SLC20A2: variants seen among roughly 807,000 people sequenced by gnomAD.
SLC20A2 encodes the protein solute carrier family 20 member 2.
In SLC20A2, 30 loss-of-function variants were observed where a neutral mutation model predicts 61.0. The observed-to-expected ratio is 0.49, with a 90% CI of 0.37 to 0.67. The LOEUF (loss-of-function observed/expected upper bound fraction) is 0.67. SLC20A2 is among the 30% of genes least tolerant of loss of function. The pLI, the probability that SLC20A2 is intolerant of heterozygous loss-of-function variation, is 0.00. For synonymous variants in SLC20A2, 351 were observed against 353.3 expected (o/e 0.99, Z 0.07); for missense variants, 626 against 866.4 (o/e 0.72, Z 3.48).
intron 4 of SLC20A2, among the ~76,000 whole-genome samples, chr8:42,462,152 G>A (rs1806758991): frequency 6.6e-6 from 1 of 152,102 alleles, no homozygotes; most frequent in Non-Finnish European, 1.5e-5. Flanking sequence ...AGGTGAGCAT[G>A]GATTCCAGAG....
intron 1 of SLC20A2, chr8:42,541,710 G>A (rs1466864844): frequency 6.7e-6 from 1 of 149,298 alleles, no homozygotes; most frequent in Non-Finnish European, 1.5e-5. Flanking sequence ...GGCAGCGTGA[G>A]TGGCCCCGCG....
chr8:42,464,090 A>ATTTTT (rs1563488008), intron 3 of SLC20A2, among the ~76,000 whole-genome samples: 31 of 20,018 alleles, frequency 1.5e-3, no homozygotes, highest in African/African-American at 3.1e-3. Flanking sequence ...AGGCTGGATG[A>ATTTTT]TCTTTTTTTT....
At chr8:42,440,894 G>A (rs555605228) in intron 6 of SLC20A2, among the ~76,000 whole-genome samples, 32 of 152,284 alleles carry the variant, frequency 2.1e-4, no homozygotes, top group South Asian at 1.9e-3. Context: ...TCCGCCTCAC[G>A]CGTTCAAGCG....
At position 42,444,727 on chromosome 8, in the gene SLC20A2, G is replaced by A. The variant is rs780088669; in HGVS notation, c.649C>T (p.Leu217Phe). 1.2e-6 allele frequency: 2 copies of A among 1,613,934 alleles called. No homozygotes were observed. Among genetic ancestry groups the A allele is most frequent in the East Asian group, 2.2e-5 (1 of 44,874 alleles). Residue 217 changes from leucine to phenylalanine, a missense_variant, in exon 6 of 11, where the codon CTC becomes TTC. By Grantham distance (22) the Leu-to-Phe change is conservative. Around this residue, in one of 3 missense-constraint regions of SLC20A2, gnomAD observed 361 missense variants for 422.3 expected, o/e 0.85. Transcript: ENST00000520262. ...GLVLPMWAIALISFGVALLFA... is the reference protein window; with the variant it reads ...GLVLPMWAIAFISFGVALLFA... ...AGGAGGGCGACACCAAAGGAAATGA[G>A]GGCTATGGCCCACATGGGGAGAACA... is the stretch of plus-strand genomic sequence containing the variant.
rs190717111 is a variant in SLC20A2, at chr8:42,417,394, T to C, written c.*409A>G. ...AAAAATCATTTTCCAATCTACACTT[T>C]CCTTTTAGAAGGCTTAACATTTGCC... On this transcript the variant is annotated 3_prime_UTR_variant, in exon 11 of 11. Coordinates refer to ENST00000520262, the MANE Select transcript of SLC20A2 (RefSeq NM_001257180.2). The C allele has an allele frequency of 4.8e-4, 76 of 158,390 alleles. 1 individual carries two copies. The highest frequency in any genetic ancestry group is 4.8e-4 in the Non-Finnish European group (34 of 70,944). The allele number at this position is 158,390 out of a possible 1,614,324, so 9.8% of individuals were successfully genotyped here.
At chr8:42,519,874 A>G (rs1358504563) in intron 1 of SLC20A2, among the ~76,000 whole-genome samples, 35 of 152,180 alleles carry the variant, frequency 2.3e-4, no homozygotes, top group Non-Finnish European at 1.8e-4. Context: ...GAAGACAATG[A>G]TTTTATAAAA....
At chr8:42,422,908 G>A (rs987854048) in intron 10 of SLC20A2, among the ~76,000 whole-genome samples, 1 of 151,882 alleles carries the variant, frequency 6.6e-6, no homozygotes, top group African/African-American at 2.4e-5. Flanking sequence ...CTGACATTTT[G>A]TTAGTAGCCA....
chr8:42,417,740 CAT>C lies in SLC20A2; in HGVS notation c.*61_*62del, dbSNP rs926051097. 7.5e-5 allele frequency: 117 copies of C among 1,566,710 alleles called. No homozygotes were observed. The highest frequency in any genetic ancestry group is 3.3e-4 in the Middle Eastern group (2 of 5,974). ...GATGTGTATGTGCGGCACGAGCACA[CAT>C]GTCTCCCACACGCCAACACCAGACC... is the stretch of plus-strand genomic sequence containing the variant. On this transcript the variant is annotated 3_prime_UTR_variant, in exon 11 of 11. Coordinates refer to ENST00000520262, the MANE Select transcript of SLC20A2 (RefSeq NM_001257180.2).
chr8:42,457,065 A>C (rs1461536821), intron 5 of SLC20A2, among the ~76,000 whole-genome samples: 1 of 151,910 alleles, frequency 6.6e-6, no homozygotes, highest in Non-Finnish European at 1.5e-5. Flanking sequence ...CTGGGATTAC[A>C]GGTGCCCGCC....
intron 6 of SLC20A2, among the ~76,000 whole-genome samples, chr8:42,443,716 T>C (rs1804980031): frequency 6.6e-6 from 1 of 152,044 alleles, no homozygotes; most frequent in Non-Finnish European, 1.5e-5. Flanking sequence ...AACAAAGACA[T>C]TTCATGTCCC....
intron 1 of SLC20A2, among the ~76,000 whole-genome samples, chr8:42,518,447 G>C (rs1811452592): frequency 6.6e-6 from 1 of 152,082 alleles, no homozygotes; most frequent in African/African-American, 2.4e-5. Flanking sequence ...ATATTGAGGA[G>C]GAAAATCCGG....
chr8:42,499,134 G>A (rs1274454975), intron 1 of SLC20A2, among the ~76,000 whole-genome samples: 1 of 152,158 alleles, frequency 6.6e-6, no homozygotes, highest in Non-Finnish European at 1.5e-5. Flanking sequence ...GGTCACCTGC[G>A]GCGTGGGAAC....
Position 42,463,701 on chromosome 8 carries a change from C to T in SLC20A2, c.431-611G>A, listed in dbSNP as rs1387491110. ...GGTTTGGGCATTGGTATTTTTCAAT[C>T]GCTTCCCCGGGTCATTCTAAAGTAC... On this transcript the variant is annotated intron_variant, in intron 3 of 10. Coordinates refer to ENST00000520262, the MANE Select transcript of SLC20A2 (RefSeq NM_001257180.2). Among the ~76,000 whole-genome samples the T allele has an allele frequency of 3.3e-5, 5 of 152,206 alleles. No homozygotes were observed. The East Asian group carries it at 7.7e-4, about 23-fold the overall frequency.
At chr8:42,433,773 G>A (rs1056545990) in intron 8 of SLC20A2, among the ~76,000 whole-genome samples, 4 of 152,320 alleles carry the variant, frequency 2.6e-5, no homozygotes, top group Non-Finnish European at 4.4e-5. Context: ...GGACATCTGG[G>A]TTGTTCTCCC....
In SLC20A2 at chr8:42,478,210, TTC is replaced by T. The variant is rs1332444685; in HGVS notation, c.-264-5558_-264-5557del. Among the ~76,000 whole-genome samples, 127 of 133,042 alleles carry T rather than the reference TTC, an allele frequency of 9.5e-4. No individual in the cohort carries two copies. The South Asian group carries it at 0.012, about 12-fold the overall frequency. The allele number at this position is 133,042 out of a possible 152,430, so 87.3% of individuals were successfully genotyped here. A position where few individuals can be genotyped will look rare whatever the true frequency, so the allele number is the denominator to read the frequency against. On this transcript the variant is annotated intron_variant, in intron 1 of 10. Coordinates refer to ENST00000520262, the MANE Select transcript of SLC20A2 (RefSeq NM_001257180.2). Reference sequence around the variant, plus strand: ...ATTGGCAATTTCTTTTCTTTTCCTTTTCTTTTTTTTTTTTTTTTTGAGATGTA... The same window carrying T: ...ATTGGCAATTTCTTTTCTTTTCCTTTTTTTTTTTTTTTTTTTTGAGATGTA...
At chr8:42,440,350 T>C (rs1804679889) in intron 6 of SLC20A2, among the ~76,000 whole-genome samples, 2 of 152,144 alleles carry the variant, frequency 1.3e-5, no homozygotes, top group South Asian at 2.1e-4. Flanking sequence ...TTCTGAAAAA[T>C]TGCCTTTTTC....
In SLC20A2 at chr8:42,437,857, G is replaced by A. The variant is rs559628836; in HGVS notation, c.935-280C>T. On this transcript the variant is annotated intron_variant, in intron 7 of 10. Coordinates refer to ENST00000520262, the MANE Select transcript of SLC20A2 (RefSeq NM_001257180.2). The surrounding 1 kb of genome is among the most constrained non-coding windows in gnomAD (Gnocchi z 6.4). ...TCTCAAGCTCCTAACCTCATGATCC[G>A]CCCACCTTGGCCTCCTAAAGTGCTC... Among the ~76,000 whole-genome samples, 9 of 151,030 alleles carry A rather than the reference G, an allele frequency of 6.0e-5. No homozygotes were observed. Among genetic ancestry groups the A allele is most frequent in the African/African-American group, 2.2e-4 (9 of 41,252 alleles).
chr8:42,452,764 C>A (rs1390577121), intron 5 of SLC20A2, among the ~76,000 whole-genome samples: 1 of 152,020 alleles, frequency 6.6e-6, no homozygotes, highest in East Asian at 1.9e-4. Flanking sequence ...GAGGCAGGGG[C>A]AGGCATGTCT....
intron 1 of SLC20A2, among the ~76,000 whole-genome samples, chr8:42,478,083 A>C (rs1034616591): frequency 6.6e-6 from 1 of 151,722 alleles, no homozygotes; most frequent in African/African-American, 2.4e-5. Flanking sequence ...ACACGGTTTC[A>C]CTATGTTGGC....
Sources: allele counts gnomAD v4.1 joint callset (sites outside exome capture counted in the v4.1 genomes callset), GRCh38; gene constraint gnomAD v4.1.1; regional missense constraint gnomAD v4.1.1; non-coding constraint Gnocchi (gnomAD v3.1); transcripts MANE v1.5; gene names NCBI Gene and HGNC (gene_info 2026-07-23, HGNC 2026-07-21).